PSD2: variants seen among roughly 807,000 people sequenced by gnomAD.
The protein encoded by PSD2 is pleckstrin and Sec7 domain containing 2.
A neutral mutation model predicts 69.8 loss-of-function variants in PSD2; 38 were observed. That is an observed-to-expected ratio of 0.54 (90% CI 0.42 to 0.71). The LOEUF is 0.71. Ranked by LOEUF, PSD2 falls within the 30% of genes least tolerant of loss-of-function variation. PSD2 has a pLI of 0.00. For missense variants in PSD2, 943 were observed against 1,014.5 expected (o/e 0.93, Z 0.96); for synonymous variants, 412 against 423.0 (o/e 0.97, Z 0.32).
At chr5:139,826,890 G>A (rs1412368042) in intron 7 of PSD2, among the ~76,000 whole-genome samples, 1 of 152,190 alleles carries the variant, frequency 6.6e-6, no homozygotes, top group Admixed American at 6.5e-5. Context: ...ACACTTCACT[G>A]CTTGCTGGAG....
the PSD2 span, among the ~76,000 whole-genome samples, chr5:139,749,786 A>C: frequency 3.0e-4 from 45 of 149,410 alleles, no homozygotes; most frequent in Non-Finnish European, 4.0e-4. Flanking sequence ...GCTTGAGCCT[A>C]GGAGTTTGAG....
chr5:139,792,431 T>G (rs1662201544), upstream of PSD2, among the ~76,000 whole-genome samples: 1 of 151,154 alleles, frequency 6.6e-6, no homozygotes, highest in Admixed American at 6.6e-5. Context: ...TGGCCCCCCC[T>G]CCCCCCATAA....
chr5:139,833,947 G>T (rs938471395), intron 8 of PSD2, among the ~76,000 whole-genome samples, 156 bp downstream of exon 8: 1 of 152,188 alleles, frequency 6.6e-6, no homozygotes, highest in African/African-American at 2.4e-5. Context: ...TCAACATTTG[G>T]CTGTTCTGTG....
At chr5:139,767,972 G>C in the PSD2 span, among the ~76,000 whole-genome samples, 1 of 152,244 alleles carries the variant, frequency 6.6e-6, no homozygotes, top group Non-Finnish European at 1.5e-5. Flanking sequence ...CTCAGCTAGG[G>C]CTGGAGGCAG....
intron 2 of PSD2, among the ~76,000 whole-genome samples, chr5:139,810,422 G>A (rs1759928560): frequency 6.6e-6 from 1 of 152,214 alleles, no homozygotes; most frequent in Non-Finnish European, 1.5e-5. Flanking sequence ...AGGGTGGACT[G>A]AGAAAAGAAA....
the PSD2 span, among the ~76,000 whole-genome samples, chr5:139,766,828 C>CTTCTCTCTCT: frequency 0.24 from 21,181 of 88,144 alleles, 3,849 homozygotes; most frequent in Non-Finnish European, 0.31. Flanking sequence ...AAGTCCCTTC[C>CTTCTCTCTCT]TTCTTTCTTT....
intron 1 of PSD2, among the ~76,000 whole-genome samples, chr5:139,800,443 G>T (rs937635465): frequency 1.3e-5 from 2 of 152,184 alleles, no homozygotes; most frequent in African/African-American, 4.8e-5. Context: ...GTGTGTGTGT[G>T]TAGAGATGGG....
In PSD2 at chr5:139,814,400, A is replaced by G. The variant is rs751907986; in HGVS notation, c.1016+36A>G. The G allele has an allele frequency of 5.8e-6, 9 of 1,540,010 alleles. No individual in the cohort carries two copies. The highest frequency in any genetic ancestry group is 7.9e-6 in the Non-Finnish European group (9 of 1,143,608). ...GCTCCCCTGCCCCCAACCCTGGGCA[A>G]ACCTCGTGTCTTCCTCAACCTGAAG... On this transcript the variant is annotated intron_variant, in intron 4 of 14. Coordinates refer to ENST00000274710, the MANE Select transcript of PSD2 (RefSeq NM_032289.4). The surrounding 1 kb of genome is among the most constrained non-coding windows in gnomAD (Gnocchi z 4.4).
the PSD2 span, among the ~76,000 whole-genome samples, chr5:139,765,955 T>A: frequency 6.6e-6 from 1 of 152,272 alleles, no homozygotes; most frequent in South Asian, 2.1e-4. Flanking sequence ...GTTCGTTCCC[T>A]CTCTCTTTCC....
intron 7 of PSD2, among the ~76,000 whole-genome samples, chr5:139,831,721 G>A (rs767890472): frequency 3.3e-5 from 5 of 152,072 alleles, no homozygotes; most frequent in Admixed American, 6.5e-5. Flanking sequence ...TTTATTCCCT[G>A]GGAAACTTTA....
chr5:139,816,015 A>G (rs536406553), intron 4 of PSD2, among the ~76,000 whole-genome samples: 1 of 151,246 alleles, frequency 6.6e-6, no homozygotes, highest in African/African-American at 2.4e-5. Context: ...AAAAAAAAAA[A>G]AGAAAATTTC....
In PSD2 at chr5:139,821,986, T is replaced by A. The variant is rs994432047; in HGVS notation, c.1191T>A (p.Pro397=). ...HFSRRYCQCN[P]DDSTSEDGIH... Reference sequence around the variant, plus strand: ...CCCGCCGGTACTGCCAGTGCAACCCTGATGACAGCACTTCGGAAGGTATGG... The same window carrying A: ...CCCGCCGGTACTGCCAGTGCAACCCAGATGACAGCACTTCGGAAGGTATGG... The change falls in exon 6 of 15, where the codon CCT becomes CCA. Residue 397 remains proline, a synonymous_variant. Coordinates refer to ENST00000274710, the MANE Select transcript of PSD2 (RefSeq NM_032289.4). 6.2e-7 allele frequency: 1 copy of A among 1,606,334 alleles called. No individual in the cohort carries two copies. The highest frequency in any genetic ancestry group is 8.5e-7 in the Non-Finnish European group (1 of 1,175,418).
the PSD2 span, among the ~76,000 whole-genome samples, chr5:139,756,412 G>T: frequency 6.6e-6 from 1 of 152,250 alleles, no homozygotes; most frequent in Non-Finnish European, 1.5e-5. Flanking sequence ...CAGGGTTCCC[G>T]CTCAAGCATC....
At chr5:139,751,820 G>A in the PSD2 span, among the ~76,000 whole-genome samples, 1 of 147,394 alleles carries the variant, frequency 6.8e-6, no homozygotes, top group Non-Finnish European at 1.5e-5. Context: ...TTGAGACAGG[G>A]TCTCGTTCTG....
chr5:139,833,557 T>C, intron 7 of PSD2, 145 bp from the exon 8 acceptor site: 1 of 677,478 alleles, frequency 1.5e-6, no homozygotes, highest in Non-Finnish European at 2.7e-6. Flanking sequence ...TTGTAAACTC[T>C]TGGAGACAAA....
At chr5:139,810,527 G>A (rs532682972) in intron 2 of PSD2, among the ~76,000 whole-genome samples, 1 of 152,206 alleles carries the variant, frequency 6.6e-6, no homozygotes, top group African/African-American at 2.4e-5. Context: ...ATGAGTGTGT[G>A]CCTGCCCTGC....
At chr5:139,830,010 GA>G (rs537099756) in intron 7 of PSD2, among the ~76,000 whole-genome samples, 1,433 of 111,212 alleles carry the variant, frequency 0.013, 14 homozygotes, top group African/African-American at 0.031. Context: ...CTTTTTTTTT[GA>G]AAAAAAAAAA....
At chr5:139,785,182 C>G in the PSD2 span, among the ~76,000 whole-genome samples, 1 of 149,766 alleles carries the variant, frequency 6.7e-6, no homozygotes, top group Non-Finnish European at 1.5e-5. Flanking sequence ...GTCTTCTCTT[C>G]TCCTCTCCTC....
At chr5:139,801,651 T>G (rs957643126) in intron 1 of PSD2, among the ~76,000 whole-genome samples, 2 of 152,170 alleles carry the variant, frequency 1.3e-5, no homozygotes, top group African/African-American at 4.8e-5. Flanking sequence ...GTATCACCTA[T>G]GTACTGCCAG....
Sources: allele counts gnomAD v4.1 joint callset (sites outside exome capture counted in the v4.1 genomes callset), GRCh38; gene constraint gnomAD v4.1.1; non-coding constraint Gnocchi (gnomAD v3.1); transcripts MANE v1.5; gene names NCBI Gene and HGNC (gene_info 2026-07-23, HGNC 2026-07-21).